The following CALN1 variants were observed in gnomAD, a reference collection of about 807,000 sequenced individuals.
CALN1 encodes the protein calneuron 1, also known as calcium-binding protein 8.
A neutral mutation model predicts 30.6 loss-of-function variants in CALN1; 17 were observed. The ratio of observed to expected loss-of-function variants is 0.56; its 90% confidence interval spans 0.38 to 0.83. The LOEUF (loss-of-function observed/expected upper bound fraction) is 0.83. Ranked by LOEUF, CALN1 falls within the 40% of genes least tolerant of loss-of-function variation. The pLI is 0.00. For missense variants in CALN1, 291 were observed against 354.9 expected, an observed-to-expected ratio of 0.82 and a Z score of 1.45; for synonymous variants, 156 against 131.4, an observed-to-expected ratio of 1.19 and a Z score of -1.28.
chr7:72,361,158 A>G (rs1803545059), intron 2 of CALN1, among the ~76,000 whole-genome samples: 1 of 152,156 alleles, frequency 6.6e-6, no homozygotes, highest in South Asian at 2.1e-4. Context: ...TTATTCATGC[A>G]CAAATCAAGA....
At chr7:72,051,714 T>C (rs144450585) in intron 4 of CALN1, among the ~76,000 whole-genome samples, 50 of 152,324 alleles carry the variant, frequency 3.3e-4, no homozygotes, top group African/African-American at 1.2e-3. Flanking sequence ...CACAGCCAAG[T>C]ACAGATCATT....
intron 6 of CALN1, among the ~76,000 whole-genome samples, chr7:71,797,040 G>A (rs576927281): frequency 2.1e-4 from 32 of 152,278 alleles, no homozygotes; most frequent in African/African-American, 6.7e-4. Flanking sequence ...CTTTTCTCCT[G>A]GAGAGAGTCA....
intron 1 of CALN1, among the ~76,000 whole-genome samples, chr7:72,410,720 A>C (rs34457966): frequency 6.6e-6 from 1 of 152,174 alleles, no homozygotes; most frequent in Non-Finnish European, 1.5e-5. Context: ...ATTAACATTG[A>C]AAATCAGAGT....
intron 2 of CALN1, among the ~76,000 whole-genome samples, chr7:72,332,837 C>T (rs1290116560): frequency 4.6e-5 from 7 of 152,178 alleles, no homozygotes; most frequent in East Asian, 1.9e-4. Flanking sequence ...CCCACCATGG[C>T]CTCATCAGCC....
chr7:72,156,673 C>A (rs1444434219), intron 3 of CALN1, among the ~76,000 whole-genome samples: 2 of 152,204 alleles, frequency 1.3e-5, no homozygotes, highest in Admixed American at 6.5e-5. Flanking sequence ...GCCATGCTCA[C>A]CACCATCCAG....
At chr7:72,044,598 A>ATTTTTTTTTTTTTTT (rs1563005478) in intron 4 of CALN1, among the ~76,000 whole-genome samples, 1 of 114,436 alleles carries the variant, frequency 8.7e-6, no homozygotes, top group African/African-American at 3.5e-5. Context: ...TCCGCTTAAA[A>ATTTTTTTTTTTTTTT]CTTTTTTTTT....
Position 72,304,680 on chromosome 7 carries a change from T to A in CALN1, c.120-25870A>T, listed in dbSNP as rs190826559. ...CTATTCTTATATTACTTTCATTAGG[T>A]CAGGCCATAAAATCCTATGTAGGGC... On this transcript the variant is annotated intron_variant, in intron 2 of 6. Coordinates refer to ENST00000395275, the MANE Select transcript of CALN1 (RefSeq NM_031468.4). Among the ~76,000 whole-genome samples, 494 of 152,264 alleles carry A rather than the reference T, an allele frequency of 3.2e-3. 2 individuals are homozygous for A. The highest frequency in any genetic ancestry group is 0.011 in the African/African-American group (459 of 41,546).
At chr7:71,833,623 A>G (rs928183212) in intron 5 of CALN1, among the ~76,000 whole-genome samples, 3 of 150,216 alleles carry the variant, frequency 2.0e-5, no homozygotes, top group Non-Finnish European at 4.5e-5. Flanking sequence ...TCAGAAGACC[A>G]GGCGAGGCAC....
intron 5 of CALN1, among the ~76,000 whole-genome samples, chr7:71,893,452 C>T (rs535110936): frequency 1.4e-4 from 22 of 152,044 alleles, no homozygotes; most frequent in South Asian, 6.2e-4. Context: ...TTTGGGGGGC[C>T]GAGGCAAGGT....
At chr7:72,436,891 C>T (rs1009052527) in intron 1 of CALN1, among the ~76,000 whole-genome samples, 7 of 152,002 alleles carry the variant, frequency 4.6e-5, no homozygotes, top group Non-Finnish European at 8.8e-5. Context: ...GGCAACACAG[C>T]GAGGGCTCGT....
Position 72,106,161 on chromosome 7 carries a change from C to T in CALN1, c.378G>A (p.Leu126=), listed in dbSNP as rs1303812967. The T allele has an allele frequency of 6.2e-7, 1 of 1,613,860 alleles. No individual in the cohort carries two copies. Among genetic ancestry groups the T allele is most frequent in the South Asian group, 1.1e-5 (1 of 91,000 alleles). Residue 126 remains leucine, a synonymous_variant, in exon 4 of 7, where the codon TTG becomes TTA. Transcript: ENST00000395275. ...EVELAIIMQR[L]DMDGDGQVDF... ...TTGTCCGGGTCTTACCGTCCATGTC[C>T]AAGCGCTGCATGATGATGGCCAGCT...
At chr7:72,172,353 C>G (rs775945134) in intron 3 of CALN1, among the ~76,000 whole-genome samples, 1 of 152,180 alleles carries the variant, frequency 6.6e-6, no homozygotes, top group African/African-American at 2.4e-5. Context: ...CCATTTGTAC[C>G]TCCTTCACAG....
intron 2 of CALN1, among the ~76,000 whole-genome samples, chr7:72,351,165 T>C (rs1802900089): frequency 6.6e-6 from 1 of 152,094 alleles, no homozygotes; most frequent in Admixed American, 6.6e-5. Flanking sequence ...TTTTTTAATT[T>C]TAAAAAATAA....
intron 3 of CALN1, among the ~76,000 whole-genome samples, chr7:72,168,539 T>C (rs1470459483): frequency 6.6e-6 from 1 of 152,188 alleles, no homozygotes; most frequent in Admixed American, 6.6e-5. Flanking sequence ...TTATTTATAA[T>C]GTTTGTGTGA....
At chr7:72,004,774 T>TA (rs1584725530) in intron 5 of CALN1, among the ~76,000 whole-genome samples, 1 of 151,886 alleles carries the variant, frequency 6.6e-6, no homozygotes, top group African/African-American at 2.4e-5. Context: ...ACAAAATATA[T>TA]AAAGACTTCT....
chr7:72,071,311 C>T (rs1198175360), intron 4 of CALN1, among the ~76,000 whole-genome samples: 7 of 152,168 alleles, frequency 4.6e-5, no homozygotes, highest in African/African-American at 1.4e-4. Context: ...GCAGGGGCCA[C>T]TGTTGCTACA....
At chr7:71,943,614 T>A (rs372355650) in intron 5 of CALN1, among the ~76,000 whole-genome samples, 32 of 145,072 alleles carry the variant, frequency 2.2e-4, no homozygotes, top group African/African-American at 8.2e-4. Flanking sequence ...TAATTTTTTT[T>A]ATTTTTAATA....
rs3065015 is a variant in CALN1, at chr7:72,079,761, CTTT to C, written c.388+26387_388+26389del. On this transcript the variant is annotated intron_variant, in intron 4 of 6. Coordinates refer to ENST00000395275, the MANE Select transcript of CALN1 (RefSeq NM_031468.4). ...AAATGCCCAAGAGGTTGCCTTTTTCCTTTTTTTTTTTTTTTTTTTTTTTTTTGG... is the reference window on the plus strand; with the variant it reads ...AAATGCCCAAGAGGTTGCCTTTTTCCTTTTTTTTTTTTTTTTTTTTTTTGG... Among the ~76,000 whole-genome samples the C allele has an allele frequency of 6.2e-4, 65 of 104,034 alleles. 1 individual carries two copies. Among genetic ancestry groups the C allele is most frequent in the East Asian group, 3.5e-3 (14 of 4,022 alleles). The allele number at this position is 104,034 out of a possible 152,430, so 68.3% of individuals were successfully genotyped here.
chr7:71,953,471 G>A (rs1256452859), intron 5 of CALN1, among the ~76,000 whole-genome samples: 2 of 152,064 alleles, frequency 1.3e-5, no homozygotes, highest in Non-Finnish European at 2.9e-5. Context: ...GAAAGATATA[G>A]TCACCTCTTC....
Sources: allele counts gnomAD v4.1 joint callset (sites outside exome capture counted in the v4.1 genomes callset), GRCh38; gene constraint gnomAD v4.1.1; transcripts MANE v1.5; gene names NCBI Gene and HGNC (gene_info 2026-07-23, HGNC 2026-07-21).